The following WNK2 variants were observed in gnomAD, a reference collection of about 807,000 sequenced individuals.
WNK2 encodes the protein WNK lysine deficient protein kinase 2, also known as serine/threonine-protein kinase WNK2.
Under a neutral mutation model 192.1 loss-of-function variants are expected in WNK2, and 67 were observed. That is an observed-to-expected ratio of 0.35 (90% CI 0.29 to 0.43). The LOEUF (loss-of-function observed/expected upper bound fraction) is 0.43, where lower values mean the gene tolerates loss of function less well. Among genes scored for constraint, WNK2 ranks in the 20% least tolerant of loss-of-function variants. The pLI, the probability that WNK2 is intolerant of heterozygous loss-of-function variation, is 1.00. For synonymous variants in WNK2, 1,439 were observed against 1,393.9 expected (o/e 1.03, Z -0.72); for missense variants, 2,698 against 3,089.7 (o/e 0.87, Z 3.01).
chr9:93,224,568 G>T (rs532153772), intron 2 of WNK2, among the ~76,000 whole-genome samples: 1 of 152,326 alleles, frequency 6.6e-6, no homozygotes, highest in East Asian at 1.9e-4. Flanking sequence ...GGCTTGGAGG[G>T]TGCTGTCCTG....
intron 19 of WNK2, among the ~76,000 whole-genome samples, chr9:93,280,954 G>T (rs1847635730): frequency 6.6e-6 from 1 of 152,158 alleles, no homozygotes; most frequent in Non-Finnish European, 1.5e-5. Flanking sequence ...GAATAATTAT[G>T]CTGAATGAAA....
At chr9:93,258,827 C>A in intron 11 of WNK2, 104 bp from the exon 12 acceptor site, 1 of 999,118 alleles carries the variant, frequency 1.0e-6, no homozygotes, top group Non-Finnish European at 1.5e-6. Context: ...GTCTTCATCC[C>A]GTGTCCCCTC....
intron 19 of WNK2, among the ~76,000 whole-genome samples, chr9:93,285,120 A>T (rs532186327): frequency 2.6e-5 from 4 of 152,358 alleles, no homozygotes; most frequent in African/African-American, 9.6e-5. Context: ...TTTGACTCAG[A>T]AGCTCTACCT....
chr9:93,252,749 A>G (rs1842759454), intron 8 of WNK2, 134 bp from the exon 9 acceptor site: 1 of 827,652 alleles, frequency 1.2e-6, no homozygotes, highest in East Asian at 3.3e-5. Flanking sequence ...TTGTTTAAAC[A>G]ATATGTGCGG....
intron 1 of WNK2, 77 bp from the exon 2 acceptor site, chr9:93,184,851 G>A (rs1464741264): frequency 1.7e-6 from 2 of 1,166,652 alleles, no homozygotes; most frequent in Non-Finnish European, 2.1e-6. Context: ...GCTTAGGGCG[G>A]CGTTGTCTCA....
At position 93,308,349 on chromosome 9, in the gene WNK2, C is replaced by A; in HGVS notation, c.6281C>A (p.Ala2094Asp). The A allele has an allele frequency of 6.4e-7, 1 of 1,555,496 alleles. No homozygotes were observed. Among genetic ancestry groups the A allele is most frequent in the Non-Finnish European group, 8.7e-7 (1 of 1,149,732 alleles). ...CCAGGGTCCTCCACCAGCAGCCTGG[C>A]CCCAGGCCCTGAGCCAGGCCCCCAG... The part of the protein sequence containing the change: ...HSSRSSTSSL[A>D]PGPEPGPQPA... Residue 2094 changes from alanine to aspartate, a missense_variant, in exon 28 of 30, where the codon GCC (alanine) becomes GAC (aspartate). Ala to Asp is a moderately radical substitution (Grantham distance 126). This residue lies in a region of WNK2 where 167 missense variants were observed against 184.2 expected (regional missense o/e 0.91). Coordinates refer to ENST00000427277, the MANE Select transcript of WNK2 (RefSeq NM_006648.4).
At chr9:93,222,928 C>T (rs1386802187) in intron 2 of WNK2, among the ~76,000 whole-genome samples, 5 of 152,172 alleles carry the variant, frequency 3.3e-5, no homozygotes, top group South Asian at 2.1e-4. Flanking sequence ...GTGATCTGCC[C>T]GCGTCGGCCT....
Position 93,262,608 on chromosome 9 carries a change from G to C in WNK2, c.3361-62G>C, listed in dbSNP as rs1275047347. Reference sequence around the variant, plus strand: ...GAGGGAGAGCTGACTATGCGTGGCTGTGCCCACAGGGAGGCGGGAGTCCGC... The same window carrying C: ...GAGGGAGAGCTGACTATGCGTGGCTCTGCCCACAGGGAGGCGGGAGTCCGC... On this transcript the variant is annotated intron_variant, in intron 13 of 29. Coordinates refer to ENST00000427277, the MANE Select transcript of WNK2 (RefSeq NM_006648.4). 11 of 1,577,432 alleles carry C rather than the reference G, an allele frequency of 7.0e-6. No individual in the cohort carries two copies. In the East Asian group the frequency reaches 2.5e-4, roughly 35 times the overall value.
intron 7 of WNK2, among the ~76,000 whole-genome samples, chr9:93,241,725 C>T (rs567478004): frequency 2.0e-5 from 3 of 152,294 alleles, no homozygotes; most frequent in East Asian, 1.9e-4. Context: ...GCGTGTTTGT[C>T]ACAGACTCTG....
intron 2 of WNK2, among the ~76,000 whole-genome samples, chr9:93,206,086 G>A (rs890795481): frequency 2.6e-5 from 4 of 152,198 alleles, no homozygotes; most frequent in Non-Finnish European, 4.4e-5. Flanking sequence ...TTATAGATGA[G>A]GAAACTGATG....
Position 93,320,460 on chromosome 9 carries a change from T to C in WNK2, c.*68T>C, listed in dbSNP as rs1455683694. ...GAAGTGACGGACCCTCAGGGCCAGC[T>C]GCTCCTCCTGTCCAGTTCACGCTGT... On this transcript the variant is annotated 3_prime_UTR_variant, in exon 30 of 30. Coordinates refer to ENST00000427277, the MANE Select transcript of WNK2 (RefSeq NM_006648.4). 1 of 1,356,648 alleles carries C rather than the reference T, an allele frequency of 7.4e-7. No individual in the cohort carries two copies. Among genetic ancestry groups the C allele is most frequent in the African/African-American group, 1.5e-5 (1 of 67,554 alleles). 84.0% of individuals were successfully genotyped at this position (1,356,648 alleles called of 1,614,324 possible).
intron 28 of WNK2, among the ~76,000 whole-genome samples, chr9:93,313,572 G>T (rs1854052935): frequency 6.6e-6 from 1 of 151,870 alleles, no homozygotes; most frequent in Non-Finnish European, 1.5e-5. Flanking sequence ...AATTGTATTT[G>T]CAAAAAGAAT....
At chr9:93,201,970 A>C (rs1318337218) in intron 2 of WNK2, among the ~76,000 whole-genome samples, 1 of 152,186 alleles carries the variant, frequency 6.6e-6, no homozygotes, top group Non-Finnish European at 1.5e-5. Flanking sequence ...TGGCAAGGCT[A>C]AGCAGAGGCA....
chr9:93,308,385 A>C lies in WNK2; in HGVS notation c.6317A>C (p.His2106Pro). 6.4e-7 allele frequency: 1 copy of C among 1,571,832 alleles called. No individual in the cohort carries two copies. The highest frequency in any genetic ancestry group is 8.6e-7 in the Non-Finnish European group (1 of 1,159,298). The change falls in exon 28 of 30, where the codon CAC (histidine) becomes CCC (proline). Residue 2106 changes from histidine to proline, a missense_variant. Around this residue, in one of 7 missense-constraint regions of WNK2, gnomAD observed 167 missense variants for 184.2 expected, o/e 0.91. Transcript: ENST00000427277. Reference protein sequence around the residue: ...GPEPGPQPALHVQAQVNNSNN... With the variant: ...GPEPGPQPALPVQAQVNNSNN... The stretch of plus-strand genomic sequence containing the variant: ...GAGCCAGGCCCCCAGCCCGCCCTGC[A>C]CGTCCAGGCGCAGGTGAACAACAGC...
intron 19 of WNK2, among the ~76,000 whole-genome samples, chr9:93,275,066 G>C (rs62571744): frequency 2.0e-5 from 3 of 152,094 alleles, no homozygotes; most frequent in Admixed American, 6.5e-5. Context: ...ATATTAAAAG[G>C]ACAGTGTGCC....
chr9:93,288,697 A>G, intron 19 of WNK2, 91 bp from the exon 20 acceptor site: 1 of 1,298,494 alleles, frequency 7.7e-7, no homozygotes, highest in Non-Finnish European at 1.0e-6. Context: ...GGCCATGGCC[A>G]GCTGTGTAAG....
At chr9:93,200,963 C>A (rs530478598) in intron 2 of WNK2, among the ~76,000 whole-genome samples, 2 of 152,096 alleles carry the variant, frequency 1.3e-5, no homozygotes, top group Admixed American at 6.5e-5. Flanking sequence ...AGAAAGGGAC[C>A]GATGATATTT....
At chr9:93,212,876 G>A (rs1232802730) in intron 2 of WNK2, among the ~76,000 whole-genome samples, 1 of 152,222 alleles carries the variant, frequency 6.6e-6, no homozygotes, top group Non-Finnish European at 1.5e-5. Flanking sequence ...GGGCTCTCCA[G>A]GGTGTGTGTT....
In WNK2 at chr9:93,299,239, T is replaced by A; in HGVS notation, c.6093T>A (p.Asp2031Glu). 6.3e-7 allele frequency: 1 copy of A among 1,580,058 alleles called. No homozygotes were observed. The highest frequency in any genetic ancestry group is 8.6e-7 in the Non-Finnish European group (1 of 1,157,648). ...SSDICSGLAS[D>E]GGGARGQGWT... Reference sequence around the variant, plus strand: ...ACATCTGCTCCGGCTTAGCCAGTGATGGAGGCGGAGCGCGTGGCCAAGGTG... The same window carrying A: ...ACATCTGCTCCGGCTTAGCCAGTGAAGGAGGCGGAGCGCGTGGCCAAGGTG... The change falls in exon 25 of 30, where the codon GAT (aspartate) becomes GAA (glutamate). Residue 2031 changes from aspartate to glutamate, a missense_variant. Transcript: ENST00000427277.
Sources: allele counts gnomAD v4.1 joint callset (sites outside exome capture counted in the v4.1 genomes callset), GRCh38; gene constraint gnomAD v4.1.1; regional missense constraint gnomAD v4.1.1; transcripts MANE v1.5; gene names NCBI Gene and HGNC (gene_info 2026-07-23, HGNC 2026-07-21).